The following KCNQ5 variants were observed in gnomAD, a reference collection of about 807,000 sequenced individuals.
KCNQ5 encodes the protein potassium voltage-gated channel subfamily KQT member 5.
In KCNQ5, 30 loss-of-function variants were observed where a neutral mutation model predicts 98.2. The ratio of observed to expected loss-of-function variants is 0.31; its 90% CI spans 0.23 to 0.41. The LOEUF is 0.41. Among genes scored for constraint, KCNQ5 ranks in the 10% least tolerant of loss-of-function variants. The pLI is 1.00. For synonymous variants in KCNQ5, 458 were observed against 449.4 expected (o/e 1.02, Z -0.24); for missense variants, 835 against 1,182.5 (o/e 0.71, Z 4.31).
chr6:72,938,170 A>G (rs1766034196), intron 1 of KCNQ5, among the ~76,000 whole-genome samples: 1 of 152,178 alleles, frequency 6.6e-6, no homozygotes, highest in Non-Finnish European at 1.5e-5. Flanking sequence ...ACATTAATTT[A>G]ATAAACTAAA....
At chr6:72,682,798 G>A (rs1469910769) in intron 1 of KCNQ5, among the ~76,000 whole-genome samples, 1 of 152,162 alleles carries the variant, frequency 6.6e-6, no homozygotes, top group Non-Finnish European at 1.5e-5. Context: ...GTCTTTAATT[G>A]GTCAAGGCCA....
intron 5 of KCNQ5, among the ~76,000 whole-genome samples, chr6:73,102,340 G>T (rs9343005): frequency 0.96 from 145,734 of 152,292 alleles, 69,725 homozygotes; most frequent in South Asian, 0.98. Context: ...CAAGGATTTC[G>T]TGAGTAATAT....
chr6:73,020,213 A>C lies in KCNQ5; in HGVS notation c.489+16215A>C, dbSNP rs1355962338. ...GTCCCATGAGACTGCCCCAACTTTC[A>C]GATGCCAATTGCAAGCTTTAGATTT... On this transcript the variant is annotated intron_variant, in intron 2 of 13. Transcript: ENST00000370398. Among the ~76,000 whole-genome samples, 3 of 152,048 alleles carry C rather than the reference A, an allele frequency of 2.0e-5. No individual in the cohort carries two copies. The East Asian group carries it at 5.8e-4, about 29-fold the overall frequency.
At chr6:72,623,964 T>A (rs1288891426) in intron 1 of KCNQ5, among the ~76,000 whole-genome samples, 1 of 152,036 alleles carries the variant, frequency 6.6e-6, no homozygotes, top group Non-Finnish European at 1.5e-5. Flanking sequence ...CACATAGGAG[T>A]CAGGAAATTG....
chr6:72,778,444 G>A (rs889675096), intron 1 of KCNQ5, among the ~76,000 whole-genome samples: 2 of 151,914 alleles, frequency 1.3e-5, no homozygotes, highest in African/African-American at 4.8e-5. Context: ...AAGCTGAGGT[G>A]GTGGGGGTCG....
intron 1 of KCNQ5, among the ~76,000 whole-genome samples, chr6:72,786,100 T>C (rs530480754): frequency 1.6e-4 from 25 of 152,350 alleles, no homozygotes; most frequent in African/African-American, 5.8e-4. Context: ...GACACAATTG[T>C]TATGACATAT....
At chr6:73,042,486 T>A (rs1273596467) in intron 3 of KCNQ5, among the ~76,000 whole-genome samples, 1 of 152,246 alleles carries the variant, frequency 6.6e-6, no homozygotes, top group Non-Finnish European at 1.5e-5. Context: ...CTCTACAATA[T>A]GACACCAGTT....
chr6:72,636,755 T>A (rs1771685297), intron 1 of KCNQ5, among the ~76,000 whole-genome samples: 1 of 152,218 alleles, frequency 6.6e-6, no homozygotes, highest in Admixed American at 6.5e-5. Flanking sequence ...GCATATTCCC[T>A]CAAGAAATTT....
At chr6:72,839,304 T>C (rs1445860911) in intron 1 of KCNQ5, among the ~76,000 whole-genome samples, 1 of 152,258 alleles carries the variant, frequency 6.6e-6, no homozygotes, top group Admixed American at 6.5e-5. Flanking sequence ...TATCATTTTA[T>C]ACATTACAAG....
At position 73,039,724 on chromosome 6, in the gene KCNQ5, G is replaced by T. The variant is rs184981502; in HGVS notation, c.490-2212G>T. Among the ~76,000 whole-genome samples the T allele has an allele frequency of 1.1e-3, 168 of 152,184 alleles. 2 individuals are homozygous for T. The highest frequency in any genetic ancestry group is 3.8e-3 in the African/African-American group (159 of 41,538). ...TTTAAACTTGTTGAAATTTGTTTAT[G>T]ACCCGGAATATAATCTATCTTAATA... On this transcript the variant is annotated intron_variant, in intron 2 of 13. Coordinates refer to ENST00000370398, the MANE Select transcript of KCNQ5 (RefSeq NM_019842.4).
chr6:72,791,684 A>G (rs745874977), intron 1 of KCNQ5, among the ~76,000 whole-genome samples: 17 of 152,210 alleles, frequency 1.1e-4, no homozygotes, highest in African/African-American at 1.4e-4. Context: ...TGACGTATAG[A>G]GAACAGAAAT....
chr6:72,961,621 CA>C (rs56813781), intron 1 of KCNQ5, among the ~76,000 whole-genome samples: 29,024 of 68,478 alleles, frequency 0.42, 2,919 homozygotes, highest in Middle Eastern at 0.54. Flanking sequence ...GACTCCGTCT[CA>C]AAAAAAAAAA....
chr6:72,736,078 T>TAC (rs1254092555), intron 1 of KCNQ5, among the ~76,000 whole-genome samples: 16 of 109,900 alleles, frequency 1.5e-4, no homozygotes, highest in Non-Finnish European at 2.2e-4. Context: ...CATATGTGTG[T>TAC]ACACATACAC....
At chr6:72,623,391 AGTGTGTGTGTGT>A (rs1214797915) in intron 1 of KCNQ5, among the ~76,000 whole-genome samples, 8 of 143,040 alleles carry the variant, frequency 5.6e-5, no homozygotes, top group African/African-American at 2.1e-4. Context: ...GGAGTCAAAG[AGTGTGTGTGTGT>A]GTGTGTGTGT....
chr6:72,733,339 G>C (rs1473943317), intron 1 of KCNQ5, among the ~76,000 whole-genome samples: 1 of 152,164 alleles, frequency 6.6e-6, no homozygotes, highest in East Asian at 1.9e-4. Flanking sequence ...TACTATAGAT[G>C]TCAAGTAAAG....
intron 1 of KCNQ5, among the ~76,000 whole-genome samples, chr6:72,741,333 G>T (rs1030301408): frequency 6.6e-6 from 1 of 152,154 alleles, no homozygotes; most frequent in African/African-American, 2.4e-5. Flanking sequence ...TACTTGCAGA[G>T]ATGGCACCCC....
intron 1 of KCNQ5, among the ~76,000 whole-genome samples, chr6:72,844,368 T>C (rs1027501150): frequency 1.3e-5 from 2 of 152,184 alleles, no homozygotes; most frequent in African/African-American, 4.8e-5. Flanking sequence ...CCCTTTTCTG[T>C]AGTCACCTTT....
Position 73,013,806 on chromosome 6 carries a change from G to A in KCNQ5, c.489+9808G>A, listed in dbSNP as rs376069606. Among the ~76,000 whole-genome samples, 129 of 152,168 alleles carry A rather than the reference G, an allele frequency of 8.5e-4. 3 individuals carry two copies. The South Asian group carries it at 0.025, about 30-fold the overall frequency. On this transcript the variant is annotated intron_variant, in intron 2 of 13. Transcript: ENST00000370398. ...ACCCAATGAAGTGCTCATGTCTAAG[G>A]CTTCTTTTTGTTCCATATATGCCAA...
rs549933546 is a variant in KCNQ5, at chr6:72,732,679, A to T, written c.398+110092A>T. Reference sequence around the variant, plus strand: ...AATCACTGGAGGACTTGAAGCAGGGATGTGGTGTGCTCAGACTTGCATTTC... The same window carrying T: ...AATCACTGGAGGACTTGAAGCAGGGTTGTGGTGTGCTCAGACTTGCATTTC... On this transcript the variant is annotated intron_variant, in intron 1 of 13. Coordinates refer to ENST00000370398, the MANE Select transcript of KCNQ5 (RefSeq NM_019842.4). Among the ~76,000 whole-genome samples the T allele has an allele frequency of 1.4e-3, 214 of 152,276 alleles. 3 individuals carry two copies. Among genetic ancestry groups the T allele is most frequent in the Non-Finnish European group, 8.4e-4 (57 of 68,018 alleles).
Sources: gnomAD v4.1 joint callset for allele counts (sites outside exome capture counted in the v4.1 genomes callset) on GRCh38, gnomAD v4.1.1 for gene constraint, MANE v1.5 for transcripts, NCBI Gene and HGNC (gene_info 2026-07-23, HGNC 2026-07-21) for gene names.